Variants in HS3ST4 observed in about 807,000 individuals in gnomAD.
The protein encoded by HS3ST4 is heparan sulfate glucosamine 3-O-sulfotransferase 4.
In HS3ST4, 17 loss-of-function variants were observed where a neutral mutation model predicts 29.2. That is an observed-to-expected ratio of 0.58 (90% CI 0.40 to 0.87). The LOEUF (loss-of-function observed/expected upper bound fraction) is 0.87. Among genes scored for constraint, HS3ST4 ranks in the 40% least tolerant of loss-of-function variants. The pLI is 0.00. For missense variants in HS3ST4, 627 were observed against 634.5 expected, an observed-to-expected ratio of 0.99 and a Z score of 0.13; for synonymous variants, 314 against 285.7, an observed-to-expected ratio of 1.10 and a Z score of -1.00.
At chr16:26,109,684 C>G (rs1303042858) in intron 1 of HS3ST4, among the ~76,000 whole-genome samples, 1 of 151,336 alleles carries the variant, frequency 6.6e-6, no homozygotes, top group African/African-American at 2.4e-5. Flanking sequence ...CCCAGTTCTC[C>G]AGCTGAGATC....
chr16:26,105,547 C>G (rs1899042754), intron 1 of HS3ST4, among the ~76,000 whole-genome samples: 1 of 152,204 alleles, frequency 6.6e-6, no homozygotes, highest in African/African-American at 2.4e-5. Flanking sequence ...GGCCATGCCC[C>G]TCATCCCTAC....
intron 1 of HS3ST4, among the ~76,000 whole-genome samples, chr16:25,767,519 G>A (rs1194778905): frequency 1.3e-5 from 2 of 152,296 alleles, no homozygotes; most frequent in East Asian, 1.9e-4. Context: ...AAAGAGAAAC[G>A]TAAGTCAAAT....
At chr16:25,700,046 T>C (rs1328272637) in intron 1 of HS3ST4, among the ~76,000 whole-genome samples, 1 of 152,166 alleles carries the variant, frequency 6.6e-6, no homozygotes, top group Non-Finnish European at 1.5e-5. Context: ...AAAGCTGTAA[T>C]GTATTTTTCA....
At chr16:26,125,166 T>C (rs1596690546) in intron 1 of HS3ST4, among the ~76,000 whole-genome samples, 1 of 152,354 alleles carries the variant, frequency 6.6e-6, no homozygotes, top group East Asian at 1.9e-4. Context: ...CTCTCTCACC[T>C]TATTTGTTTA....
intron 1 of HS3ST4, among the ~76,000 whole-genome samples, chr16:25,905,600 G>A (rs556056937): frequency 5.9e-5 from 9 of 152,180 alleles, no homozygotes; most frequent in Non-Finnish European, 1.2e-4. Flanking sequence ...GAAGGCTCGT[G>A]AAAGACAGCA....
chr16:25,716,947 G>C (rs1018684358), intron 1 of HS3ST4, among the ~76,000 whole-genome samples: 1 of 152,030 alleles, frequency 6.6e-6, no homozygotes, highest in Non-Finnish European at 1.5e-5. Context: ...CCAGCTACTC[G>C]GGAGGCTGAG....
intron 1 of HS3ST4, among the ~76,000 whole-genome samples, chr16:25,846,486 A>T (rs1967467051): frequency 6.6e-6 from 1 of 151,838 alleles, no homozygotes; most frequent in South Asian, 2.1e-4. Flanking sequence ...GTGAGCCATG[A>T]TCACACCACT....
At chr16:25,828,082 T>A (rs1967238181) in intron 1 of HS3ST4, among the ~76,000 whole-genome samples, 1 of 151,990 alleles carries the variant, frequency 6.6e-6, no homozygotes, top group Non-Finnish European at 1.5e-5. Context: ...GTACAAATTA[T>A]TTTTTCACCT....
rs775823722 is a variant in HS3ST4, at chr16:25,704,879, C to CAAAA, written c.734+11742_734+11745dup. Among the ~76,000 whole-genome samples, 746 of 122,488 alleles carry CAAAA rather than the reference C, an allele frequency of 6.1e-3. 5 individuals are homozygous for CAAAA. Among genetic ancestry groups the CAAAA allele is most frequent in the African/African-American group, 0.021 (672 of 32,732 alleles). 80.4% of individuals were successfully genotyped at this position (122,488 alleles called of 152,430 possible). On this transcript the variant is annotated intron_variant, in intron 1 of 1. Coordinates refer to ENST00000331351, the MANE Select transcript of HS3ST4 (RefSeq NM_006040.3). ...GGGCAACAAGAGCAAAACTCCATCT[C>CAAAA]AAAAAAAAAAAAAAAAATTGTAGAG...
intron 1 of HS3ST4, among the ~76,000 whole-genome samples, chr16:26,103,225 A>C (rs1003769212): frequency 6.6e-6 from 1 of 152,148 alleles, no homozygotes; most frequent in African/African-American, 2.4e-5. Context: ...AATAACAATA[A>C]GGTAAAGAAG....
intron 1 of HS3ST4, among the ~76,000 whole-genome samples, chr16:26,021,483 GC>G (rs1466080245): frequency 6.6e-6 from 1 of 152,084 alleles, no homozygotes; most frequent in Non-Finnish European, 1.5e-5. Context: ...AGCAATTACT[GC>G]ATCCTATTAT....
At chr16:25,782,104 C>T (rs757920170) in intron 1 of HS3ST4, among the ~76,000 whole-genome samples, 3 of 152,064 alleles carry the variant, frequency 2.0e-5, no homozygotes, top group East Asian at 1.9e-4. Flanking sequence ...CTTCACAAGG[C>T]GGCAGGAAGG....
chr16:25,941,052 C>T (rs576721453), intron 1 of HS3ST4, among the ~76,000 whole-genome samples: 2 of 152,298 alleles, frequency 1.3e-5, no homozygotes, highest in Middle Eastern at 6.8e-3. Flanking sequence ...AGTCTCATCT[C>T]AGCTGTTAAT....
chr16:25,772,963 G>A (rs994054826), intron 1 of HS3ST4, among the ~76,000 whole-genome samples: 4 of 152,150 alleles, frequency 2.6e-5, no homozygotes, highest in African/African-American at 9.7e-5. Context: ...GAAACTACAA[G>A]GTATCGAAGG....
At chr16:25,727,232 C>G (rs924584432) in intron 1 of HS3ST4, among the ~76,000 whole-genome samples, 2 of 152,072 alleles carry the variant, frequency 1.3e-5, no homozygotes, top group African/African-American at 4.8e-5. Context: ...TGGAAACCAC[C>G]TAAGTGTATC....
intron 1 of HS3ST4, among the ~76,000 whole-genome samples, chr16:25,995,814 TA>T (rs1969154326): frequency 1.3e-5 from 2 of 152,214 alleles, no homozygotes; most frequent in Non-Finnish European, 2.9e-5. Flanking sequence ...GGTTGTCTTT[TA>T]GAAGAGATGT....
intron 1 of HS3ST4, among the ~76,000 whole-genome samples, chr16:25,854,743 A>G (rs975413010): frequency 8.6e-5 from 13 of 151,630 alleles, no homozygotes; most frequent in South Asian, 2.1e-4. Flanking sequence ...CTGTTATTTT[A>G]CTGGAGCCCT....
intron 1 of HS3ST4, among the ~76,000 whole-genome samples, chr16:25,796,073 C>G (rs560082308): frequency 5.9e-5 from 9 of 152,236 alleles, no homozygotes; most frequent in Middle Eastern, 3.4e-3. Context: ...CCTTCTGTCT[C>G]GGATATTTCC....
intron 1 of HS3ST4, among the ~76,000 whole-genome samples, chr16:25,890,037 C>T (rs997801904): frequency 6.6e-5 from 10 of 152,180 alleles, no homozygotes; most frequent in Non-Finnish European, 1.5e-4. Flanking sequence ...ATTACCCAGT[C>T]TTGGGTGTGT....
Sources: gnomAD v4.1 joint callset for allele counts (sites outside exome capture counted in the v4.1 genomes callset) on GRCh38, gnomAD v4.1.1 for gene constraint, MANE v1.5 for transcripts, NCBI Gene and HGNC (gene_info 2026-07-23, HGNC 2026-07-21) for gene names.